RAB11FIP3: variants seen among roughly 807,000 people sequenced by gnomAD.
RAB11FIP3 encodes rab11 family-interacting protein 3.
Under a neutral mutation model 77.8 loss-of-function variants are expected in RAB11FIP3, and 17 were observed. The observed-to-expected ratio is 0.22, with a 90% CI of 0.15 to 0.33. The LOEUF (loss-of-function observed/expected upper bound fraction) is 0.33. Among genes scored for constraint, RAB11FIP3 ranks in the 10% least tolerant of loss-of-function variants. The pLI, the probability that RAB11FIP3 is intolerant of heterozygous loss-of-function variation, is 1.00. For synonymous variants in RAB11FIP3, 437 were observed against 448.2 expected, an observed-to-expected ratio of 0.98 and a Z score of 0.31; for missense variants, 1,005 against 1,011.2, an observed-to-expected ratio of 0.99 and a Z score of 0.08.
intron 3 of RAB11FIP3, among the ~76,000 whole-genome samples, chr16:478,794 C>T (rs1310869914): frequency 2.0e-5 from 3 of 151,716 alleles, no homozygotes; most frequent in Non-Finnish European, 2.9e-5. Flanking sequence ...AGCAAAACCT[C>T]GTCTCTACAA....
chr16:508,555 G>C (rs1280674058), intron 8 of RAB11FIP3, among the ~76,000 whole-genome samples: 1 of 152,002 alleles, frequency 6.6e-6, no homozygotes, highest in Non-Finnish European at 1.5e-5. Flanking sequence ...TGTATTTTTA[G>C]TAGAGACGGG....
rs565807928 is a variant in RAB11FIP3 at position 507,112 on chromosome 16, C to CTTTT, written c.1499+1500_1499+1503dup. ...TACAGGTGTGCACCACCACACCCAG[C>CTTTT]TTTTTTTTTTTTTTTTTTGAGACGG... On this transcript the variant is annotated intron_variant, in intron 8 of 13. Transcript: ENST00000262305. This position sits in a 1 kb window ranked among gnomAD's most constrained non-coding sequence, Gnocchi z 4.6. Among the ~76,000 whole-genome samples the CTTTT allele has an allele frequency of 1.5e-5, 2 of 136,550 alleles. No homozygotes were observed. Among genetic ancestry groups the CTTTT allele is most frequent in the Admixed American group, 7.3e-5 (1 of 13,718 alleles). The allele number at this position is 136,550 out of a possible 152,430, so 89.6% of individuals were successfully genotyped here.
intron 1 of RAB11FIP3, among the ~76,000 whole-genome samples, chr16:446,802 G>A (rs1296360618): frequency 6.6e-6 from 1 of 151,842 alleles, no homozygotes; most frequent in Non-Finnish European, 1.5e-5. Flanking sequence ...CCTGGTTCAC[G>A]CAATTCTCCT....
chr16:516,703 C>G (rs527240039), intron 9 of RAB11FIP3, among the ~76,000 whole-genome samples: 2 of 151,262 alleles, frequency 1.3e-5, no homozygotes, highest in South Asian at 4.2e-4. Flanking sequence ...ATGGTGAAAC[C>G]CTGTCTCTAC....
intron 1 of RAB11FIP3, among the ~76,000 whole-genome samples, chr16:440,104 A>G (rs1183502026): frequency 1.3e-5 from 2 of 151,972 alleles, no homozygotes; most frequent in South Asian, 2.1e-4. Context: ...CGGCCTCCCA[A>G]AGTGCTGGGA....
At chr16:459,639 G>A (rs550402414) in intron 1 of RAB11FIP3, among the ~76,000 whole-genome samples, 1 of 151,952 alleles carries the variant, frequency 6.6e-6, no homozygotes, top group African/African-American at 2.4e-5. Flanking sequence ...GTTTTGCCAT[G>A]TTGGCCAGGC....
chr16:464,888 A>G (rs1261358956), intron 2 of RAB11FIP3, among the ~76,000 whole-genome samples: 1 of 152,194 alleles, frequency 6.6e-6, no homozygotes, highest in East Asian at 1.9e-4. Flanking sequence ...CCCTGTCTCA[A>G]AAACAAACAA....
intron 2 of RAB11FIP3, among the ~76,000 whole-genome samples, chr16:464,718 A>C (rs1424874267): frequency 6.6e-6 from 1 of 152,142 alleles, no homozygotes; most frequent in Non-Finnish European, 1.5e-5. Context: ...CAACATAGTG[A>C]GACCTTGGCT....
intron 6 of RAB11FIP3, among the ~76,000 whole-genome samples, chr16:498,692 A>T (rs776399139): frequency 6.6e-6 from 1 of 151,830 alleles, no homozygotes; most frequent in African/African-American, 2.4e-5. Flanking sequence ...ATGATTTTTT[A>T]ATTTTTTGTA....
rs113107669 is a variant in RAB11FIP3, at chr16:491,068, G to T, written c.1265+2068G>T. On this transcript the variant is annotated intron_variant, in intron 5 of 13. Transcript: ENST00000262305. ...CCTGTCCTGTTCCCCTCGGCCCCTC[G>T]TGCGGAGTCACAGATGACCACACGG... 1,056 of 1,248,256 alleles carry T rather than the reference G, an allele frequency of 8.5e-4. 8 individuals carry two copies. In the African/African-American group the frequency reaches 0.014, roughly 16 times the overall value. The allele number at this position is 1,248,256 out of a possible 1,614,324, so 77.3% of individuals were successfully genotyped here. A position where few individuals can be genotyped will look rare whatever the true frequency, so the allele number is the denominator to read the frequency against.
chr16:464,108 G>T (rs2055662962), intron 2 of RAB11FIP3, among the ~76,000 whole-genome samples: 1 of 152,160 alleles, frequency 6.6e-6, no homozygotes, highest in Admixed American at 6.5e-5. Flanking sequence ...GAGCGTGCAG[G>T]CAAGCTCTGG....
intron 3 of RAB11FIP3, among the ~76,000 whole-genome samples, chr16:473,493 A>G (rs1203114308): frequency 2.0e-5 from 3 of 152,192 alleles, no homozygotes; most frequent in African/African-American, 4.8e-5. Context: ...GTGGTGGTAC[A>G]GTCTCGATCT....
intron 1 of RAB11FIP3, among the ~76,000 whole-genome samples, chr16:432,587 GTTTT>G (rs775298981): frequency 5.4e-5 from 6 of 111,312 alleles, no homozygotes; most frequent in Non-Finnish European, 1.1e-4. Flanking sequence ...TTTTGACCTG[GTTTT>G]TTTTTTTTTT....
Position 444,011 on chromosome 16 carries a change from C to T in RAB11FIP3, c.714+17291C>T, listed in dbSNP as rs116220606. ...CTGGAGTGTATTTGAGCTGATGTTC[C>T]TCTGCATGTTAATAAACAAGTGTTT... On this transcript the variant is annotated intron_variant, in intron 1 of 13. Transcript: ENST00000262305. 5.7e-3 allele frequency among the ~76,000 whole-genome samples: 865 copies of T among 152,244 alleles called. 8 individuals are homozygous for T. Among genetic ancestry groups the T allele is most frequent in the African/African-American group, 0.02 (823 of 41,546 alleles).
intron 1 of RAB11FIP3, among the ~76,000 whole-genome samples, chr16:435,033 G>A (rs928702859): frequency 7.2e-5 from 11 of 152,002 alleles, no homozygotes; most frequent in Non-Finnish European, 1.5e-4. Context: ...GTGAAACCCC[G>A]TCTCTACGAA....
chr16:520,428 C>T, intron 12 of RAB11FIP3, 31 bp from the exon 13 acceptor site: 1 of 1,610,408 alleles, frequency 6.2e-7, no homozygotes, highest in Non-Finnish European at 8.5e-7. Flanking sequence ...GCAGGGGCCA[C>T]AGCCCAGTAG....
chr16:458,313 C>T (rs1195782640), intron 1 of RAB11FIP3, among the ~76,000 whole-genome samples: 15 of 152,292 alleles, frequency 9.8e-5, no homozygotes, highest in Admixed American at 9.8e-4. Flanking sequence ...TGTGTCCTGG[C>T]ATCTCCAGCA....
chr16:517,118 C>T (rs985961246), intron 9 of RAB11FIP3, among the ~76,000 whole-genome samples: 1 of 152,220 alleles, frequency 6.6e-6, no homozygotes, highest in African/African-American at 2.4e-5. Context: ...TGGGCATCTT[C>T]CCAAAACCCA....
At chr16:435,041 G>A (rs1390487050) in intron 1 of RAB11FIP3, among the ~76,000 whole-genome samples, 2 of 151,796 alleles carry the variant, frequency 1.3e-5, no homozygotes, top group Non-Finnish European at 2.9e-5. Context: ...CCGTCTCTAC[G>A]AAAAATACAA....
Sources: gnomAD v4.1 joint callset for allele counts (sites outside exome capture counted in the v4.1 genomes callset) on GRCh38, gnomAD v4.1.1 for gene constraint, Gnocchi (gnomAD v3.1) non-coding constraint, MANE v1.5 for transcripts, NCBI Gene and HGNC (gene_info 2026-07-23, HGNC 2026-07-21) for gene names.